NDST3: variants seen among roughly 807,000 people sequenced by gnomAD.
The protein encoded by NDST3 is bifunctional heparan sulfate N-deacetylase/N-sulfotransferase 3.
In NDST3, 58 loss-of-function variants were observed where a neutral mutation model predicts 96.1. That is an observed-to-expected ratio of 0.60 (90% CI 0.49 to 0.75). The LOEUF (loss-of-function observed/expected upper bound fraction) is 0.75, where lower values mean the gene tolerates loss of function less well. NDST3 is among the 30% of genes least tolerant of loss of function. The pLI, the probability that NDST3 is intolerant of heterozygous loss-of-function variation, is 0.00. For synonymous variants in NDST3, 333 were observed against 359.7 expected (o/e 0.93, Z 0.84); for missense variants, 788 against 1,034.2 (o/e 0.76, Z 3.27).
intron 6 of NDST3, among the ~76,000 whole-genome samples, chr4:118,173,931 C>T (rs1211015485): frequency 6.6e-6 from 1 of 152,134 alleles, no homozygotes; most frequent in East Asian, 1.9e-4. Context: ...TCAGAACTTG[C>T]TTTTTGCTTA....
chr4:118,110,626 T>C (rs1730559735), intron 3 of NDST3, among the ~76,000 whole-genome samples: 1 of 152,172 alleles, frequency 6.6e-6, no homozygotes, highest in Non-Finnish European at 1.5e-5. Context: ...TAAAATAGTG[T>C]AGAGAAGTTA....
At chr4:118,082,905 AC>A (rs1296581847) in intron 2 of NDST3, among the ~76,000 whole-genome samples, 1 of 152,122 alleles carries the variant, frequency 6.6e-6, no homozygotes, top group Non-Finnish European at 1.5e-5. Flanking sequence ...GGCACATCTT[AC>A]ATGGCCAGAG....
At chr4:118,210,551 G>T (rs1023939482) in intron 6 of NDST3, among the ~76,000 whole-genome samples, 1 of 152,094 alleles carries the variant, frequency 6.6e-6, no homozygotes, top group Non-Finnish European at 1.5e-5. Flanking sequence ...GCCAAGGCAG[G>T]TGGATCACGA....
intron 6 of NDST3, among the ~76,000 whole-genome samples, chr4:118,154,868 A>C (rs985313013): frequency 3.3e-5 from 5 of 152,170 alleles, no homozygotes. Flanking sequence ...TGAGTCAGTG[A>C]CCTGGTACTG....
chr4:118,155,026 T>C (rs1734632815), intron 6 of NDST3, among the ~76,000 whole-genome samples: 1 of 152,236 alleles, frequency 6.6e-6, no homozygotes, highest in Non-Finnish European at 1.5e-5. Flanking sequence ...TAATGTACTT[T>C]TAAAGAACTA....
In NDST3 at chr4:118,233,145, G is replaced by A. The variant is rs1224064888; in HGVS notation, c.1943+10G>A. Reference sequence around the variant, plus strand: ...ACAGGGGGATTGATTGGTAAGATGGGTTATTAGTATAAATCTAAAAGTATA... The same window carrying A: ...ACAGGGGGATTGATTGGTAAGATGGATTATTAGTATAAATCTAAAAGTATA... On this transcript the variant is annotated intron_variant, in intron 9 of 13. Transcript: ENST00000296499. The A allele has an allele frequency of 1.2e-6, 2 of 1,607,622 alleles. No individual in the cohort carries two copies. The highest frequency in any genetic ancestry group is 1.7e-5 in the Admixed American group (1 of 59,866).
At chr4:118,224,769 C>G (rs1356192175) in intron 7 of NDST3, 96 bp downstream of exon 7, 2 of 1,112,868 alleles carry the variant, frequency 1.8e-6, no homozygotes, top group South Asian at 2.1e-5. Flanking sequence ...CCTGAAAAAA[C>G]CTGCATTTTG....
At chr4:118,067,238 CATT>C (rs1420545113) in intron 2 of NDST3, among the ~76,000 whole-genome samples, 8 of 151,704 alleles carry the variant, frequency 5.3e-5, no homozygotes, top group Non-Finnish European at 1.2e-4. Flanking sequence ...AGGAAAAAGA[CATT>C]ATAATGAAAA....
chr4:118,253,416 T>G (rs1741887000), intron 12 of NDST3, 83 bp from the exon 13 acceptor site: 1 of 800,080 alleles, frequency 1.2e-6, no homozygotes, highest in African/African-American at 1.7e-5. Flanking sequence ...GGTCACTATA[T>G]CATATGTATT....
chr4:118,104,128 A>G (rs1729978453), intron 2 of NDST3, among the ~76,000 whole-genome samples: 1 of 152,196 alleles, frequency 6.6e-6, no homozygotes, highest in Non-Finnish European at 1.5e-5. Flanking sequence ...GAAAGGGAGA[A>G]AGAAGATAAG....
intron 12 of NDST3, among the ~76,000 whole-genome samples, chr4:118,252,520 G>A (rs796390566): frequency 1.3e-5 from 2 of 152,326 alleles, no homozygotes; most frequent in African/African-American, 4.8e-5. Flanking sequence ...AAATGAGAAA[G>A]AGTTATATGA....
At chr4:118,221,233 T>C (rs1190030228) in intron 6 of NDST3, among the ~76,000 whole-genome samples, 3 of 152,054 alleles carry the variant, frequency 2.0e-5, no homozygotes, top group Non-Finnish European at 2.9e-5. Flanking sequence ...TAACCTCTCT[T>C]CTACCTTCTG....
chr4:118,232,684 G>GAAAGA (rs1560734883), intron 8 of NDST3, among the ~76,000 whole-genome samples: 1 of 110,380 alleles, frequency 9.1e-6, no homozygotes, highest in Admixed American at 8.7e-5. Context: ...AAAAGAAAAG[G>GAAAGA]AAAGAAACAA....
At chr4:118,086,489 C>T (rs1240711843) in intron 2 of NDST3, among the ~76,000 whole-genome samples, 1 of 152,046 alleles carries the variant, frequency 6.6e-6, no homozygotes, top group African/African-American at 2.4e-5. Flanking sequence ...ACACCTTCTT[C>T]CTGATTGAAA....
chr4:118,184,898 G>A (rs1310245975), intron 6 of NDST3, among the ~76,000 whole-genome samples: 1 of 152,072 alleles, frequency 6.6e-6, no homozygotes, highest in African/African-American at 2.4e-5. Context: ...TTTCCATGAA[G>A]TGGCTTTTTC....
intron 6 of NDST3, among the ~76,000 whole-genome samples, chr4:118,159,859 G>C (rs182388758): frequency 6.6e-6 from 1 of 152,100 alleles, no homozygotes; most frequent in African/African-American, 2.4e-5. Context: ...ATTTGAAATT[G>C]CCCAGGGAGC....
chr4:118,160,440 A>G (rs914996634), intron 6 of NDST3, among the ~76,000 whole-genome samples: 1 of 151,806 alleles, frequency 6.6e-6, no homozygotes. Flanking sequence ...AATAGCCAGT[A>G]TCTATAAGGA....
intron 6 of NDST3, among the ~76,000 whole-genome samples, chr4:118,162,381 G>A (rs952380206): frequency 6.6e-6 from 1 of 152,134 alleles, no homozygotes; most frequent in African/African-American, 2.4e-5. Context: ...AAAACAGCAT[G>A]GTACTGGTAC....
chr4:118,051,633 G>A (rs1378952303), intron 1 of NDST3, among the ~76,000 whole-genome samples: 1 of 151,982 alleles, frequency 6.6e-6, no homozygotes, highest in African/African-American at 2.4e-5. Flanking sequence ...AATCAGGCAA[G>A]AGAAAGAAAT....
Sources: gnomAD v4.1 joint callset for allele counts (sites outside exome capture counted in the v4.1 genomes callset) on GRCh38, gnomAD v4.1.1 for gene constraint, MANE v1.5 for transcripts, NCBI Gene and HGNC (gene_info 2026-07-23, HGNC 2026-07-21) for gene names.